The following LCORL variants were observed in gnomAD, a reference collection of about 807,000 sequenced individuals.
LCORL encodes ligand dependent nuclear receptor corepressor like.
Under a neutral mutation model 141.8 loss-of-function variants are expected in LCORL, and 41 were observed. The observed-to-expected ratio is 0.29, with a 90% confidence interval of 0.23 to 0.38. LCORL has a LOEUF of 0.38. LCORL is among the 10% of genes least tolerant of loss of function. The pLI, the probability that LCORL is intolerant of heterozygous loss-of-function variation, is 1.00. For synonymous variants in LCORL, 618 were observed against 694.1 expected (o/e 0.89, Z 1.72); for missense variants, 1,759 against 2,035.0 (o/e 0.86, Z 2.61).
intron 1 of LCORL, among the ~76,000 whole-genome samples, chr4:18,016,398 T>G (rs946959646): frequency 6.6e-6 from 1 of 152,196 alleles, no homozygotes; most frequent in African/African-American, 2.4e-5. Context: ...TGTTTTACAC[T>G]ACCAAAATAA....
intron 7 of LCORL, among the ~76,000 whole-genome samples, chr4:17,851,277 A>G (rs953344391): frequency 6.6e-6 from 1 of 152,084 alleles, no homozygotes; most frequent in Admixed American, 6.6e-5. Context: ...TTAAAGTATA[A>G]TAATAAAAAA....
At chr4:17,982,149 C>T (rs1233600307) in intron 1 of LCORL, among the ~76,000 whole-genome samples, 2 of 113,434 alleles carry the variant, frequency 1.8e-5, no homozygotes, top group Non-Finnish European at 3.6e-5. Context: ...TGTGTGTATA[C>T]AAGATATTTT....
chr4:17,934,674 A>G (rs1337780535), intron 4 of LCORL, among the ~76,000 whole-genome samples: 2 of 152,210 alleles, frequency 1.3e-5, no homozygotes. Context: ...ATGGAAATGC[A>G]GGAATGCAGA....
chr4:17,875,095 G>C, exon 7 of LCORL: 1 of 1,233,582 alleles, frequency 8.1e-7, no homozygotes, highest in Non-Finnish European at 1.0e-6. Context: ...TGAGTGCACT[G>C]TTGGTCATAC....
exon 8 of LCORL, chr4:17,843,678 A>G (rs1722649360): frequency 3.4e-6 from 1 of 295,868 alleles, no homozygotes; most frequent in Admixed American, 4.5e-5. Flanking sequence ...TCATTTTTAA[A>G]TAGTCTCTCC....
chr4:17,981,596 G>A (rs1028931608), intron 1 of LCORL, among the ~76,000 whole-genome samples: 3 of 151,930 alleles, frequency 2.0e-5, no homozygotes, highest in Non-Finnish European at 4.4e-5. Flanking sequence ...AAATTAGCTG[G>A]GGGTGGTGGC....
chr4:17,882,174 AT>A lies in LCORL; in HGVS notation c.776+3893del, dbSNP rs988029338. The A allele has an allele frequency of 1.8e-5, 18 of 984,134 alleles. No homozygotes were observed. The African/African-American group carries it at 3.0e-4, about 16-fold the overall frequency. The allele number at this position is 984,134 out of a possible 1,614,324, so 61.0% of individuals were successfully genotyped here. On this transcript the variant is annotated intron_variant, in intron 6 of 7. Coordinates refer to ENST00000635767, the Ensembl canonical transcript of LCORL. Reference sequence around the variant, plus strand: ...TTTAGTATTACACGTATATATGATTATTAAATACACACAAACACAAGTGTAA... The same window carrying A: ...TTTAGTATTACACGTATATATGATTATAAATACACACAAACACAAGTGTAA...
chr4:17,855,514 C>A (rs1301278018), intron 7 of LCORL, among the ~76,000 whole-genome samples: 1 of 152,148 alleles, frequency 6.6e-6, no homozygotes, highest in African/African-American at 2.4e-5. Context: ...CTATCAATAT[C>A]AAATTGATTG....
chr4:18,001,749 G>C (rs1330140056), intron 1 of LCORL, among the ~76,000 whole-genome samples: 1 of 152,126 alleles, frequency 6.6e-6, no homozygotes, highest in Non-Finnish European at 1.5e-5. Context: ...AACATAAGGT[G>C]TTAACTCCAA....
chr4:17,848,925 T>C (rs955932674), intron 7 of LCORL, among the ~76,000 whole-genome samples: 13 of 152,208 alleles, frequency 8.5e-5, no homozygotes, highest in African/African-American at 3.1e-4. Context: ...GTCTCGCTGA[T>C]TGCTAGCACA....
chr4:17,864,188 A>G (rs1346554753), intron 7 of LCORL, among the ~76,000 whole-genome samples: 2 of 152,192 alleles, frequency 1.3e-5, no homozygotes, highest in Non-Finnish European at 2.9e-5. Flanking sequence ...TGAAGGTAGA[A>G]CCCTGATAAG....
intron 1 of LCORL, among the ~76,000 whole-genome samples, chr4:18,002,868 A>T (rs925138987): frequency 1.3e-5 from 2 of 152,192 alleles, no homozygotes; most frequent in African/African-American, 4.8e-5. Flanking sequence ...CAGAGTTTGC[A>T]TGGGGTTGGT....
At chr4:18,009,382 T>C (rs142957361) in intron 1 of LCORL, among the ~76,000 whole-genome samples, 1 of 151,126 alleles carries the variant, frequency 6.6e-6, no homozygotes, top group Non-Finnish European at 1.5e-5. Context: ...CTACCCCATG[T>C]ATATAATCTC....
chr4:17,894,876 G>C (rs1013477539), intron 5 of LCORL, among the ~76,000 whole-genome samples: 4 of 152,022 alleles, frequency 2.6e-5, no homozygotes, highest in African/African-American at 9.7e-5. Context: ...ATACTTCACA[G>C]GTGAAGTGAC....
exon 7 of LCORL, chr4:17,877,392 T>C: frequency 4.9e-6 from 6 of 1,230,372 alleles, no homozygotes; most frequent in Non-Finnish European, 6.1e-6. Context: ...ATTAATGCGA[T>C]CCATTAAATC....
At chr4:18,017,784 T>C (rs1400625880) in intron 1 of LCORL, among the ~76,000 whole-genome samples, 1 of 152,100 alleles carries the variant, frequency 6.6e-6, no homozygotes, top group Non-Finnish European at 1.5e-5. Context: ...GATAAACAGA[T>C]ATAATCTGAA....
chr4:17,949,249 C>T (rs1306226249), intron 4 of LCORL, among the ~76,000 whole-genome samples: 1 of 152,040 alleles, frequency 6.6e-6, no homozygotes, highest in East Asian at 1.9e-4. Flanking sequence ...AGGCCAGATC[C>T]CTCCTCTCCT....
In LCORL at chr4:17,897,238, T is replaced by C. The variant is rs1424724949; in HGVS notation, c.683-11077A>G. Among the ~76,000 whole-genome samples, 17 of 134,928 alleles carry C rather than the reference T, an allele frequency of 1.3e-4. 2 individuals carry two copies. Among genetic ancestry groups the C allele is most frequent in the Admixed American group, 6.0e-4 (8 of 13,348 alleles). 88.5% of individuals were successfully genotyped at this position (134,928 alleles called of 152,430 possible). A position where few individuals can be genotyped will look rare whatever the true frequency, so the allele number is the denominator to read the frequency against. ...CTTTTTTTTTTTTTTTTTTTTTTTT[T>C]TTTTTTTTTTTTTAGGGTATATACC... is the stretch of plus-strand genomic sequence containing the variant. On this transcript the variant is annotated intron_variant, in intron 5 of 7. Transcript: ENST00000635767.
intron 1 of LCORL, among the ~76,000 whole-genome samples, chr4:18,010,432 G>A (rs1210826930): frequency 1.3e-5 from 2 of 151,898 alleles, no homozygotes; most frequent in African/African-American, 4.8e-5. Flanking sequence ...ATGTATGTAT[G>A]TATATATGTA....
Sources: allele counts gnomAD v4.1 joint callset (sites outside exome capture counted in the v4.1 genomes callset), GRCh38; gene constraint gnomAD v4.1.1; transcripts MANE v1.5; gene names NCBI Gene and HGNC (gene_info 2026-07-23, HGNC 2026-07-21).